Variants in BST1 observed in about 807,000 individuals in gnomAD.
BST1 encodes ADP-ribosyl cyclase/cyclic ADP-ribose hydrolase 2.
Under a neutral mutation model 40.6 loss-of-function variants are expected in BST1, and 49 were observed. That is an observed-to-expected ratio of 1.21 (90% CI 0.96 to 1.53). BST1 has a LOEUF of 1.53. Ranked by LOEUF, BST1 falls within the 40% of genes most tolerant of loss-of-function variation. The pLI is 0.00. For synonymous variants in BST1, 157 were observed against 159.3 expected (o/e 0.99, Z 0.11); for missense variants, 423 against 395.9 (o/e 1.07, Z -0.58).
chr4:15,754,821 C>G, the BST1 span, among the ~76,000 whole-genome samples: 1 of 152,218 alleles, frequency 6.6e-6, no homozygotes, highest in African/African-American at 2.4e-5. Context: ...GTCCCCTGTT[C>G]TGGTCCCACA....
intron 8 of BST1, among the ~76,000 whole-genome samples, chr4:15,729,751 G>C (rs9790670): frequency 0.087 from 13,247 of 152,144 alleles, 1,208 homozygotes; most frequent in East Asian, 0.52. Context: ...TACAAAGTGA[G>C]AAACCAATGC....
At chr4:15,731,264 G>A (rs866681534) in intron 8 of BST1, 8 of 495,434 alleles carry the variant, frequency 1.6e-5, no homozygotes, top group Middle Eastern at 1.3e-3. Context: ...CCGAGGATTC[G>A]TGGGATCTGC....
chr4:15,755,642 G>A, the BST1 span, among the ~76,000 whole-genome samples: 1 of 152,168 alleles, frequency 6.6e-6, no homozygotes, highest in African/African-American at 2.4e-5. Flanking sequence ...ATTTATGGGT[G>A]AAAAGCCCCA....
chr4:15,715,399 C>A, intron 5 of BST1, 38 bp downstream of exon 5: 1 of 1,576,894 alleles, frequency 6.3e-7, no homozygotes, highest in Non-Finnish European at 8.7e-7. Flanking sequence ...AGAGAGAATG[C>A]CAAAATATTT....
At position 15,715,310 on chromosome 4, in the gene BST1, T is replaced by G; in HGVS notation, c.560T>G (p.Ile187Ser). 1 of 1,614,150 alleles carries G rather than the reference T, an allele frequency of 6.2e-7. No individual in the cohort carries two copies. The highest frequency in any genetic ancestry group is 8.5e-7 in the Non-Finnish European group (1 of 1,179,992). ...IQYSKDSSGV[I>S]HVMLNGSEPT... ...TATTCCAAGGATAGTTCTGGGGTGATCCACGTCATGCTGAATGGTTCAGAG... is the reference window on the plus strand; with the variant it reads ...TATTCCAAGGATAGTTCTGGGGTGAGCCACGTCATGCTGAATGGTTCAGAG... The change falls in exon 5 of 9, where the codon ATC becomes AGC. Residue 187 changes from isoleucine to serine, a missense_variant. Physicochemically the swap from Ile to Ser is moderately radical, Grantham distance 142 (BLOSUM62 -2). Coordinates refer to ENST00000265016, the MANE Select transcript of BST1 (RefSeq NM_004334.3).
intron 4 of BST1, among the ~76,000 whole-genome samples, chr4:15,713,328 G>GGT (rs1178071173): frequency 2.7e-5 from 4 of 149,662 alleles, no homozygotes; most frequent in Middle Eastern, 3.5e-3. Flanking sequence ...TGGGACTACA[G>GGT]GCGTGTGCCA....
chr4:15,744,489 C>G, the BST1 span, among the ~76,000 whole-genome samples: 1 of 152,152 alleles, frequency 6.6e-6, no homozygotes, highest in Admixed American at 6.5e-5. Context: ...GGAAACCGCC[C>G]CCATAATCCA....
the BST1 span, among the ~76,000 whole-genome samples, chr4:15,752,531 G>A: frequency 6.6e-6 from 1 of 151,938 alleles, no homozygotes; most frequent in Non-Finnish European, 1.5e-5. Flanking sequence ...TGGGATTACA[G>A]GTATGTGCCA....
At chr4:15,735,951 A>G (rs867083240), downstream of BST1, 1 of 613,488 alleles carries the variant, frequency 1.6e-6, no homozygotes, top group South Asian at 1.8e-5. Flanking sequence ...AAATCTACAC[A>G]ATACAGAAAA....
intron 7 of BST1, among the ~76,000 whole-genome samples, chr4:15,719,817 C>T (rs1174479880): frequency 6.6e-6 from 1 of 152,186 alleles, no homozygotes; most frequent in African/African-American, 2.4e-5. Context: ...GCACCCTAAA[C>T]GTGTGAACCA....
the BST1 span, among the ~76,000 whole-genome samples, chr4:15,764,329 T>C: frequency 6.6e-6 from 1 of 152,090 alleles, no homozygotes; most frequent in African/African-American, 2.4e-5. Context: ...TGTTTTTAAC[T>C]TGCTCTGAAA....
At chr4:15,722,287 T>G (rs1173339726) in intron 7 of BST1, among the ~76,000 whole-genome samples, 2 of 152,256 alleles carry the variant, frequency 1.3e-5, no homozygotes, top group African/African-American at 2.4e-5. Flanking sequence ...GTGGTCAGCT[T>G]TCTCAATTGT....
chr4:15,745,378 G>A, the BST1 span, among the ~76,000 whole-genome samples: 1 of 152,118 alleles, frequency 6.6e-6, no homozygotes, highest in South Asian at 2.1e-4. Context: ...TATTTTTAAA[G>A]GAAAATGTAT....
chr4:15,767,516 G>A, the BST1 span, among the ~76,000 whole-genome samples: 15 of 152,086 alleles, frequency 9.9e-5, no homozygotes, highest in African/African-American at 3.6e-4. Flanking sequence ...TGTTGGCCAG[G>A]ATGGTCTCGA....
intron 6 of BST1, among the ~76,000 whole-genome samples, chr4:15,718,257 G>T (rs1234201599): frequency 6.6e-6 from 1 of 151,660 alleles, no homozygotes; most frequent in Non-Finnish European, 1.5e-5. Flanking sequence ...GTGTGTGTGT[G>T]TGTGTGTGTG....
At chr4:15,708,384 C>A (rs1720009276) in intron 3 of BST1, among the ~76,000 whole-genome samples, 8 of 152,222 alleles carry the variant, frequency 5.3e-5, no homozygotes, top group Admixed American at 2.6e-4. Flanking sequence ...AGGTTATAGC[C>A]TCATGGGGGA....
chr4:15,770,656 C>T, the BST1 span, among the ~76,000 whole-genome samples: 1 of 152,068 alleles, frequency 6.6e-6, no homozygotes, highest in Non-Finnish European at 1.5e-5. Flanking sequence ...GCCGAGATTG[C>T]ATCATTGCAC....
chr4:15,719,451 C>G (rs1720688641), intron 7 of BST1, among the ~76,000 whole-genome samples: 1 of 152,014 alleles, frequency 6.6e-6, no homozygotes, highest in African/African-American at 2.4e-5. Context: ...AGCTATGGGC[C>G]AGACACTTTA....
downstream of BST1, among the ~76,000 whole-genome samples, chr4:15,734,842 G>A (rs548213515): frequency 2.3e-4 from 35 of 152,236 alleles, no homozygotes; most frequent in African/African-American, 6.3e-4. Flanking sequence ...GGTTTCAGTC[G>A]GACACTGCCA....
Sources: gnomAD v4.1 joint callset for allele counts (sites outside exome capture counted in the v4.1 genomes callset) on GRCh38, gnomAD v4.1.1 for gene constraint, MANE v1.5 for transcripts, NCBI Gene and HGNC (gene_info 2026-07-23, HGNC 2026-07-21) for gene names.